POC1A: variants seen among roughly 807,000 people sequenced by gnomAD.
POC1A encodes POC1 centriolar protein A, also known as POC1 centriolar protein homolog A.
A neutral mutation model predicts 47.8 loss-of-function variants in POC1A; 34 were observed. The ratio of observed to expected loss-of-function variants is 0.71; its 90% confidence interval spans 0.54 to 0.95. The LOEUF is 0.95. Among genes scored for constraint, POC1A ranks in the 40% least tolerant of loss-of-function variants. The pLI is 0.00. For synonymous variants in POC1A, 177 were observed against 207.6 expected (o/e 0.85, Z 1.27); for missense variants, 466 against 528.3 (o/e 0.88, Z 1.16).
chr3:52,150,942 C>G, intron 2 of POC1A, 74 bp downstream of exon 2: 1 of 1,356,236 alleles, frequency 7.4e-7, no homozygotes, highest in South Asian at 1.2e-5. Context: ...GCTTCCCACC[C>G]ACCACCCCTC....
At chr3:52,151,586 G>C (rs1055040213) in intron 1 of POC1A, among the ~76,000 whole-genome samples, 1 of 150,060 alleles carries the variant, frequency 6.7e-6, no homozygotes, top group Non-Finnish European at 1.5e-5. Context: ...ACTCCAGCCT[G>C]GGTGACAGAG....
In POC1A at chr3:52,145,936, G is replaced by C. The variant is rs372698665; in HGVS notation, c.589C>G (p.Pro197Ala). ...GGFVTYVDFHPSGTCIAAAGM... is the reference protein window; with the variant it reads ...GGFVTYVDFHASGTCIAAAGM... ...GCAGCGGCAATGCACGTCCCACTGG[G>C]GTGGAAGTCCACATAGGTGACAAAG... is the stretch of plus-strand genomic sequence containing the variant. Residue 197 changes from proline to alanine, a missense_variant, in exon 6 of 11, where the codon CCC becomes GCC. Physicochemically the swap from Pro to Ala is conservative, Grantham distance 27 (BLOSUM62 -1). Transcript: ENST00000296484. 8.1e-6 allele frequency: 13 copies of C among 1,613,322 alleles called. No individual in the cohort carries two copies. The highest frequency in any genetic ancestry group is 1.1e-5 in the Non-Finnish European group (13 of 1,179,360).
At chr3:52,104,098 C>T (rs1703090851) in intron 9 of POC1A, among the ~76,000 whole-genome samples, 1 of 152,076 alleles carries the variant, frequency 6.6e-6, no homozygotes, top group Non-Finnish European at 1.5e-5. Flanking sequence ...CAAATGCTCA[C>T]CAACAGAACA....
At chr3:52,143,605 G>A (rs954493531) in intron 6 of POC1A, among the ~76,000 whole-genome samples, 1 of 152,000 alleles carries the variant, frequency 6.6e-6, no homozygotes, top group Non-Finnish European at 1.5e-5. Flanking sequence ...CAGATCCCTG[G>A]GTCCAGCTGG....
intron 9 of POC1A, among the ~76,000 whole-genome samples, chr3:52,109,232 T>C (rs886918513): frequency 4.6e-5 from 7 of 152,178 alleles, no homozygotes; most frequent in South Asian, 4.1e-4. Flanking sequence ...ATTAATTTCA[T>C]TGGATGTGAT....
At position 52,149,227 on chromosome 3, in the gene POC1A, G is replaced by A; in HGVS notation, c.438C>T (p.Asn146=). The A allele has an allele frequency of 1.2e-6, 2 of 1,614,130 alleles. No homozygotes were observed. The highest frequency in any genetic ancestry group is 1.7e-4 in the Middle Eastern group (1 of 6,060). Residue 146 remains asparagine, a synonymous_variant, in exon 4 of 11, where the codon AAC becomes AAT. Coordinates refer to ENST00000296484, the MANE Select transcript of POC1A (RefSeq NM_015426.5). ...ATGCTCACTTGGCACAGCGGACCCA[G>A]TTGATATGCTGGCTCAGGGAGAACA... ...KFLFSLSQHI[N]WVRCAKFSPD...
Position 52,084,316 on chromosome 3 carries a change from T to C in POC1A, c.1126-8331A>G, listed in dbSNP as rs1303818389. ...CCACCTTTGCTGAAGGCTTCCCTCATGCACTCATGGGCAAACATGGCAGGG... is the reference window on the plus strand; with the variant it reads ...CCACCTTTGCTGAAGGCTTCCCTCACGCACTCATGGGCAAACATGGCAGGG... On this transcript the variant is annotated intron_variant, in intron 10 of 10. Transcript: ENST00000296484. This position sits in a 1 kb window ranked among gnomAD's most constrained non-coding sequence, Gnocchi z 4.3. Among the ~76,000 whole-genome samples, 3 of 152,186 alleles carry C rather than the reference T, an allele frequency of 2.0e-5. No homozygotes were observed. The highest frequency in any genetic ancestry group is 4.4e-5 in the Non-Finnish European group (3 of 68,028).
In POC1A at chr3:52,125,195, CA is replaced by C; in HGVS notation, c.814-15del. ...GGTGGCTGGTCCCTGGCAGAACAAA[CA>C]AAAAATAACACACATCAAAGGTCAT... On this transcript the variant is annotated splice_polypyrimidine_tract_variant and intron_variant, in intron 7 of 10. Coordinates refer to ENST00000296484, the MANE Select transcript of POC1A (RefSeq NM_015426.5). The C allele has an allele frequency of 6.3e-7, 1 of 1,599,354 alleles. No individual in the cohort carries two copies. The highest frequency in any genetic ancestry group is 8.6e-7 in the Non-Finnish European group (1 of 1,169,032).
At chr3:52,101,278 G>A (rs1300634903) in intron 9 of POC1A, among the ~76,000 whole-genome samples, 1 of 151,942 alleles carries the variant, frequency 6.6e-6, no homozygotes, top group African/African-American at 2.4e-5. Flanking sequence ...TCCTAGGTAC[G>A]TTAGGTAACA....
intron 9 of POC1A, among the ~76,000 whole-genome samples, chr3:52,108,874 G>C (rs1703281581): frequency 6.6e-6 from 1 of 152,190 alleles, no homozygotes; most frequent in South Asian, 2.1e-4. Context: ...TCCCCCTGCA[G>C]GCTTCAAAGA....
intron 6 of POC1A, among the ~76,000 whole-genome samples, chr3:52,144,863 G>A (rs1698313913): frequency 6.6e-6 from 1 of 152,110 alleles, no homozygotes. Context: ...GCTAGGAAGG[G>A]TGTGTGTGTG....
At chr3:52,102,155 A>C (rs1339278281) in intron 9 of POC1A, among the ~76,000 whole-genome samples, 1 of 152,058 alleles carries the variant, frequency 6.6e-6, no homozygotes, top group Non-Finnish European at 1.5e-5. Flanking sequence ...TCTTGGAACT[A>C]TGGTTTGATG....
At chr3:52,144,768 A>G (rs974983647) in intron 6 of POC1A, among the ~76,000 whole-genome samples, 14 of 152,216 alleles carry the variant, frequency 9.2e-5, no homozygotes, top group Non-Finnish European at 2.9e-5. Context: ...GTGCTGTTCA[A>G]GATTAGGATC....
At chr3:52,096,975 G>A (rs966553923) in intron 9 of POC1A, among the ~76,000 whole-genome samples, 3 of 152,192 alleles carry the variant, frequency 2.0e-5, no homozygotes, top group African/African-American at 4.8e-5. Context: ...GAGGAGGGCA[G>A]GTAGGCAGGC....
chr3:52,098,631 T>A (rs1702897003), intron 9 of POC1A, among the ~76,000 whole-genome samples: 1 of 152,112 alleles, frequency 6.6e-6, no homozygotes, highest in South Asian at 2.1e-4. Context: ...CATTTGACAA[T>A]AAAGAGAACT....
At chr3:52,143,927 T>C (rs1022890284) in intron 6 of POC1A, among the ~76,000 whole-genome samples, 3 of 152,130 alleles carry the variant, frequency 2.0e-5, no homozygotes, top group Non-Finnish European at 4.4e-5. Context: ...GTTATACCCA[T>C]GAACACCAGG....
intron 9 of POC1A, among the ~76,000 whole-genome samples, chr3:52,119,393 CTTT>C (rs201766579): frequency 7.0e-6 from 1 of 143,304 alleles, no homozygotes; most frequent in Admixed American, 7.0e-5. Context: ...CATCAGAAGA[CTTT>C]TTTTTTTTTT....
At chr3:52,141,593 T>C (rs1420732669) in intron 6 of POC1A, among the ~76,000 whole-genome samples, 3 of 152,128 alleles carry the variant, frequency 2.0e-5, no homozygotes, top group African/African-American at 2.4e-5. Flanking sequence ...GGAGAGTAGG[T>C]TGGCTAGATC....
At chr3:52,108,922 G>A (rs1213270225) in intron 9 of POC1A, among the ~76,000 whole-genome samples, 1 of 152,192 alleles carries the variant, frequency 6.6e-6, no homozygotes, top group African/African-American at 2.4e-5. Context: ...GCCCAAGATA[G>A]CTGGCAGTAG....
Sources: allele counts gnomAD v4.1 joint callset (sites outside exome capture counted in the v4.1 genomes callset), GRCh38; gene constraint gnomAD v4.1.1; non-coding constraint Gnocchi (gnomAD v3.1); transcripts MANE v1.5; gene names NCBI Gene and HGNC (gene_info 2026-07-23, HGNC 2026-07-21).